The following SLIT3 variants were observed in gnomAD, a reference collection of about 807,000 sequenced individuals.
SLIT3 encodes slit guidance ligand 3.
A neutral mutation model predicts 184.0 loss-of-function variants in SLIT3; 68 were observed. The ratio of observed to expected loss-of-function variants is 0.37; its 90% CI spans 0.30 to 0.45. The LOEUF is 0.45. Ranked by LOEUF, SLIT3 falls within the 20% of genes least tolerant of loss-of-function variation. SLIT3 has a pLI of 1.00. For missense variants in SLIT3, 1,707 were observed against 2,026.0 expected (o/e 0.84, Z 3.02); for synonymous variants, 831 against 828.6 (o/e 1.00, Z -0.05).
intron 20 of SLIT3, among the ~76,000 whole-genome samples, chr5:168,747,495 TGGTGTGTGTTG>T (rs542128665): frequency 6.6e-5 from 10 of 152,048 alleles, no homozygotes; most frequent in African/African-American, 2.4e-4. Flanking sequence ...AGTGTGCACA[TGGTGTGTGTTG>T]GTTGTGTGAG....
At chr5:169,087,198 C>G (rs1759340214) in intron 4 of SLIT3, among the ~76,000 whole-genome samples, 1 of 152,210 alleles carries the variant, frequency 6.6e-6, no homozygotes, top group Admixed American at 6.5e-5. Flanking sequence ...AAAGCACTAA[C>G]TGCTAGGGAG....
rs142720735 is a variant in SLIT3 at position 168,684,463 on chromosome 5, T to G, written c.3556-367A>C. ...TTTGGTTTCTCTGTATAAAGAAGAA[T>G]AATAAGTCTTATTTATTTATTTATT... On this transcript the variant is annotated intron_variant, in intron 31 of 35. Coordinates refer to ENST00000519560, the MANE Select transcript of SLIT3 (RefSeq NM_003062.4). Among the ~76,000 whole-genome samples the G allele has an allele frequency of 3.6e-4, 55 of 152,330 alleles. No homozygotes were observed. The East Asian group carries it at 3.7e-3, about 10-fold the overall frequency.
At chr5:169,278,539 G>T (rs1166772512) in intron 1 of SLIT3, among the ~76,000 whole-genome samples, 2 of 152,130 alleles carry the variant, frequency 1.3e-5, no homozygotes, top group Non-Finnish European at 1.5e-5. Flanking sequence ...ACACTGTGAG[G>T]TCTCAGTAAA....
At chr5:168,821,054 A>G (rs1757513754) in intron 7 of SLIT3, among the ~76,000 whole-genome samples, 1 of 152,212 alleles carries the variant, frequency 6.6e-6, no homozygotes, top group South Asian at 2.1e-4. Flanking sequence ...ATTAAACTAA[A>G]GAGAAAATGG....
Position 168,696,278 on chromosome 5 carries a change from C to T in SLIT3, c.3082+14G>A, listed in dbSNP as rs950884952. 1 of 1,614,112 alleles carries T rather than the reference C, an allele frequency of 6.2e-7. No homozygotes were observed. The highest frequency in any genetic ancestry group is 8.5e-7 in the Non-Finnish European group (1 of 1,180,014). ...CCCTCCACCCCACCATACATACAGT[C>T]ATGAGATCCTTACCTGTGTAGTTAG... On this transcript the variant is annotated intron_variant, in intron 28 of 35. Coordinates refer to ENST00000519560, the MANE Select transcript of SLIT3 (RefSeq NM_003062.4).
In SLIT3 at chr5:168,802,947, C is replaced by T. The variant is rs538413059; in HGVS notation, c.935+3499G>A. 1.1e-4 allele frequency among the ~76,000 whole-genome samples: 17 copies of T among 152,348 alleles called. No homozygotes were observed. In the South Asian group the frequency reaches 1.9e-3, roughly 17 times the overall value. Reference sequence around the variant, plus strand: ...GCTCAGAAAAGTTATCTGCCCATGGCTACAAGGCAGAGCCAAAGCTGGAAT... The same window carrying T: ...GCTCAGAAAAGTTATCTGCCCATGGTTACAAGGCAGAGCCAAAGCTGGAAT... On this transcript the variant is annotated intron_variant, in intron 9 of 35. Coordinates refer to ENST00000519560, the MANE Select transcript of SLIT3 (RefSeq NM_003062.4).
intron 28 of SLIT3, among the ~76,000 whole-genome samples, chr5:168,693,083 G>C (rs536739015): frequency 6.6e-6 from 1 of 152,326 alleles, no homozygotes; most frequent in East Asian, 1.9e-4. Flanking sequence ...AGCACCTCCT[G>C]TGTGGCAGGT....
intron 4 of SLIT3, among the ~76,000 whole-genome samples, chr5:168,979,617 A>G (rs1410221965): frequency 6.6e-6 from 1 of 151,974 alleles, no homozygotes; most frequent in East Asian, 1.9e-4. Flanking sequence ...TGTTTGAACC[A>G]CTCTCCACAG....
intron 4 of SLIT3, among the ~76,000 whole-genome samples, chr5:169,188,364 G>A (rs1763431475): frequency 6.6e-6 from 1 of 152,116 alleles, no homozygotes; most frequent in Non-Finnish European, 1.5e-5. Flanking sequence ...ATCTTTCATT[G>A]TCTCTCCCAT....
rs566873190 is a variant in SLIT3 at position 169,125,745 on chromosome 5, C to T, written c.413+67734G>A. ...AAAGCAGAGAGAGGGAGGAAAAGAA[C>T]GTGACTGCCATTTGTGCCTGGGCAT... is the stretch of plus-strand genomic sequence containing the variant. On this transcript the variant is annotated intron_variant, in intron 4 of 35. Coordinates refer to ENST00000519560, the MANE Select transcript of SLIT3 (RefSeq NM_003062.4). 1.1e-4 allele frequency among the ~76,000 whole-genome samples: 17 copies of T among 152,310 alleles called. No individual in the cohort carries two copies. In the South Asian group the frequency reaches 2.9e-3, roughly 26 times the overall value.
intron 4 of SLIT3, among the ~76,000 whole-genome samples, chr5:169,029,250 C>G (rs1756939274): frequency 1.3e-5 from 2 of 152,226 alleles, no homozygotes; most frequent in Admixed American, 6.5e-5. Flanking sequence ...ACCACTTTCT[C>G]CGAGAAGACA....
At chr5:169,253,495 C>T (rs1055970106) in intron 1 of SLIT3, among the ~76,000 whole-genome samples, 1 of 152,170 alleles carries the variant, frequency 6.6e-6, no homozygotes, top group Admixed American at 6.5e-5. Flanking sequence ...AATCCCTGTC[C>T]TGCCACTTAC....
At chr5:169,046,273 G>A (rs139020460) in intron 4 of SLIT3, among the ~76,000 whole-genome samples, 2 of 152,300 alleles carry the variant, frequency 1.3e-5, no homozygotes, top group Non-Finnish European at 2.9e-5. Context: ...AGCACATTGT[G>A]AGCACCAGAT....
At chr5:169,024,243 G>T (rs1445471935) in intron 4 of SLIT3, 1 of 152,298 alleles carries the variant, frequency 6.6e-6, no homozygotes, top group Non-Finnish European at 1.5e-5. Context: ...AAGCAGAGTG[G>T]CATTTGAAGG....
chr5:169,209,418 A>G (rs1273352896), intron 3 of SLIT3, among the ~76,000 whole-genome samples: 1 of 152,156 alleles, frequency 6.6e-6, no homozygotes, highest in Non-Finnish European at 1.5e-5. Context: ...CTAGAACCAG[A>G]TTTCACTTAG....
chr5:169,113,970 A>G (rs1388075207), intron 4 of SLIT3, among the ~76,000 whole-genome samples: 12 of 152,122 alleles, frequency 7.9e-5, no homozygotes, highest in Admixed American at 4.6e-4. Flanking sequence ...GCCATTTTTA[A>G]TAACTGAATC....
intron 15 of SLIT3, among the ~76,000 whole-genome samples, chr5:168,762,296 C>T (rs369203759): frequency 4.6e-5 from 7 of 152,218 alleles, no homozygotes; most frequent in East Asian, 3.9e-4. Context: ...AGCATGATGC[C>T]GGCTCACAGT....
chr5:169,180,501 T>C (rs994590213), intron 4 of SLIT3, among the ~76,000 whole-genome samples: 1 of 152,210 alleles, frequency 6.6e-6, no homozygotes, highest in Non-Finnish European at 1.5e-5. Flanking sequence ...GGAAGATTAC[T>C]GAGGTCCTTG....
chr5:168,817,586 C>A, intron 7 of SLIT3, 123 bp from the exon 8 acceptor site: 1 of 892,778 alleles, frequency 1.1e-6, no homozygotes, highest in Non-Finnish European at 1.7e-6. Flanking sequence ...CCCTAGGAGC[C>A]CAGGGAAGCA....
Sources: gnomAD v4.1 joint callset for allele counts (sites outside exome capture counted in the v4.1 genomes callset) on GRCh38, gnomAD v4.1.1 for gene constraint, MANE v1.5 for transcripts, NCBI Gene and HGNC (gene_info 2026-07-23, HGNC 2026-07-21) for gene names.